Variants in ADGRL3 observed in about 807,000 individuals in gnomAD.
ADGRL3 encodes calcium-independent alpha-latrotoxin receptor 3.
Under a neutral mutation model 153.5 loss-of-function variants are expected in ADGRL3, and 62 were observed. The observed-to-expected ratio is 0.40, with a 90% CI of 0.33 to 0.50. ADGRL3 has a LOEUF of 0.50. ADGRL3 is among the 20% of genes least tolerant of loss of function. The pLI is 0.47. For missense variants in ADGRL3, 1,641 were observed against 1,859.4 expected (o/e 0.88, Z 2.16); for synonymous variants, 710 against 672.5 (o/e 1.06, Z -0.86).
chr4:61,881,995 T>C (rs1391717239), intron 9 of ADGRL3, among the ~76,000 whole-genome samples: 3 of 152,240 alleles, frequency 2.0e-5, no homozygotes, highest in Non-Finnish European at 4.4e-5. Flanking sequence ...TCAGTTGAAC[T>C]GAATCTCCCA....
At chr4:61,316,781 C>G (rs2095227574) in intron 1 of ADGRL3, among the ~76,000 whole-genome samples, 1 of 152,152 alleles carries the variant, frequency 6.6e-6, no homozygotes, top group East Asian at 1.9e-4. Context: ...GTTTGTATGA[C>G]TGTTTACTTT....
At chr4:61,921,019 AC>A (rs1294662590) in intron 13 of ADGRL3, among the ~76,000 whole-genome samples, 1 of 152,082 alleles carries the variant, frequency 6.6e-6, no homozygotes, top group Non-Finnish European at 1.5e-5. Flanking sequence ...ATTCAGTTTT[AC>A]TGTAATAAAC....
chr4:61,629,263 A>T (rs1037967236), intron 5 of ADGRL3, among the ~76,000 whole-genome samples: 1 of 152,172 alleles, frequency 6.6e-6, no homozygotes, highest in South Asian at 2.1e-4. Flanking sequence ...AAAAATGTTT[A>T]TCTTCTTGGC....
intron 2 of ADGRL3, among the ~76,000 whole-genome samples, chr4:61,494,474 A>G (rs2098291783): frequency 6.6e-6 from 1 of 152,196 alleles, no homozygotes; most frequent in African/African-American, 2.4e-5. Flanking sequence ...TCCCTCTTCA[A>G]GTAGCTGTCA....
chr4:61,586,794 TTAAA>T (rs1309160269), intron 4 of ADGRL3, among the ~76,000 whole-genome samples: 1 of 152,088 alleles, frequency 6.6e-6, no homozygotes. Flanking sequence ...AATAGATTAC[TTAAA>T]TAAGTATATT....
At chr4:61,372,684 TTGTC>T (rs774895908) in intron 1 of ADGRL3, among the ~76,000 whole-genome samples, 208 of 152,248 alleles carry the variant, frequency 1.4e-3, no homozygotes, top group Non-Finnish European at 2.0e-3. Flanking sequence ...GTCTTTTTGT[TTGTC>T]TGTGCCCTGC....
At chr4:61,340,038 A>G (rs2095773249) in intron 1 of ADGRL3, among the ~76,000 whole-genome samples, 1 of 152,152 alleles carries the variant, frequency 6.6e-6, no homozygotes, top group African/African-American at 2.4e-5. Flanking sequence ...AAAGAGTGTG[A>G]AGTTGAGTAG....
chr4:61,869,477 A>G (rs1045822574), intron 9 of ADGRL3, among the ~76,000 whole-genome samples: 1 of 151,684 alleles, frequency 6.6e-6, no homozygotes, highest in Admixed American at 6.6e-5. Context: ...GGGCGCCTGT[A>G]GTCCCAGCTA....
At position 61,592,045 on chromosome 4, in the gene ADGRL3, T is replaced by C. The variant is rs112216413; in HGVS notation, c.473+4605T>C. On this transcript the variant is annotated intron_variant, in intron 5 of 26. Coordinates refer to ENST00000683033, the MANE Select transcript of ADGRL3 (RefSeq NM_001387552.1). ...TGAGCTGTGATCATAAAACCGCACT[T>C]AGCCTGGGTGACAGAATGAAACTGC... Among the ~76,000 whole-genome samples the C allele has an allele frequency of 6.0e-3, 856 of 142,530 alleles. 9 individuals carry two copies. Among genetic ancestry groups the C allele is most frequent in the African/African-American group, 0.02 (758 of 37,768 alleles). The allele number at this position is 142,530 out of a possible 152,430, so 93.5% of individuals were successfully genotyped here.
At chr4:61,841,195 A>G (rs1450395793) in intron 9 of ADGRL3, among the ~76,000 whole-genome samples, 5 of 152,320 alleles carry the variant, frequency 3.3e-5, no homozygotes, top group African/African-American at 9.6e-5. Flanking sequence ...TAAAAGCAAC[A>G]ATGAATATCC....
In ADGRL3 at chr4:61,981,250, CT is replaced by C. The variant is rs1000271183; in HGVS notation, c.3015+1486del. 6.6e-5 allele frequency among the ~76,000 whole-genome samples: 10 copies of C among 152,032 alleles called. No individual in the cohort carries two copies. In the East Asian group the frequency reaches 1.5e-3, roughly 23 times the overall value. ...AATTATTTAGAAAATGAAAGAATAT[CT>C]TTTTTTTCCAATTAATAGAATAATG... On this transcript the variant is annotated intron_variant, in intron 18 of 26. Coordinates refer to ENST00000683033, the MANE Select transcript of ADGRL3 (RefSeq NM_001387552.1).
intron 1 of ADGRL3, among the ~76,000 whole-genome samples, chr4:61,313,149 T>C (rs903933975): frequency 2.0e-5 from 3 of 152,186 alleles, no homozygotes; most frequent in Non-Finnish European, 2.9e-5. Context: ...AACCCCAGTC[T>C]GATTCCATAC....
chr4:61,230,576 AG>A (rs1750169405), intron 1 of ADGRL3, among the ~76,000 whole-genome samples: 1 of 151,890 alleles, frequency 6.6e-6, no homozygotes, highest in Admixed American at 6.6e-5. Flanking sequence ...TGTAGAGATG[AG>A]GTGTCACTAT....
chr4:61,989,611 A>G (rs952610195), intron 19 of ADGRL3, among the ~76,000 whole-genome samples: 1 of 152,098 alleles, frequency 6.6e-6, no homozygotes, highest in Admixed American at 6.5e-5. Context: ...TTGATTGGAC[A>G]TATACAATTA....
At chr4:61,241,075 T>G (rs534636814) in intron 1 of ADGRL3, among the ~76,000 whole-genome samples, 2 of 152,044 alleles carry the variant, frequency 1.3e-5, no homozygotes, top group Non-Finnish European at 2.9e-5. Flanking sequence ...TATATATATG[T>G]ATCTTTTACA....
chr4:61,741,441 C>A (rs1051167713), intron 8 of ADGRL3, among the ~76,000 whole-genome samples: 1 of 152,212 alleles, frequency 6.6e-6, no homozygotes, highest in Non-Finnish European at 1.5e-5. Flanking sequence ...GCTGTTTTCT[C>A]TGTCTGCAGA....
intron 9 of ADGRL3, among the ~76,000 whole-genome samples, chr4:61,878,537 G>A (rs370562307): frequency 5.3e-4 from 81 of 152,294 alleles, no homozygotes; most frequent in African/African-American, 1.9e-3. Context: ...TATTGTAGTA[G>A]AACAGACATA....
chr4:61,589,978 T>C (rs754959527), intron 5 of ADGRL3, among the ~76,000 whole-genome samples: 6 of 152,092 alleles, frequency 3.9e-5, no homozygotes, highest in Non-Finnish European at 8.8e-5. Flanking sequence ...TTGCATTTTC[T>C]CCAATCACGT....
At chr4:61,885,862 A>C (rs957046222) in intron 9 of ADGRL3, among the ~76,000 whole-genome samples, 2 of 152,162 alleles carry the variant, frequency 1.3e-5, no homozygotes, top group African/African-American at 4.8e-5. Flanking sequence ...GGGAGTACTA[A>C]ATTAGACAGC....
Sources: allele counts gnomAD v4.1 joint callset (sites outside exome capture counted in the v4.1 genomes callset), GRCh38; gene constraint gnomAD v4.1.1; transcripts MANE v1.5; gene names NCBI Gene and HGNC (gene_info 2026-07-23, HGNC 2026-07-21).